Variants in NRXN3 observed in about 807,000 individuals in gnomAD.
NRXN3 encodes the protein neurexin 3.
A neutral mutation model predicts 137.6 loss-of-function variants in NRXN3; 32 were observed. The observed-to-expected ratio is 0.23, with a 90% CI of 0.18 to 0.31. The LOEUF is 0.31. Ranked by LOEUF, NRXN3 falls within the 10% of genes least tolerant of loss-of-function variation. The pLI is 1.00. For synonymous variants in NRXN3, 798 were observed against 784.5 expected (o/e 1.02, Z -0.29); for missense variants, 1,574 against 2,062.5 (o/e 0.76, Z 4.59).
intron 17 of NRXN3, among the ~76,000 whole-genome samples, chr14:79,683,369 G>C (rs763811026): frequency 2.0e-5 from 3 of 152,154 alleles, no homozygotes; most frequent in Non-Finnish European, 2.9e-5. Context: ...GCATGCTAGT[G>C]TAACTTTCTC....
At chr14:79,812,528 A>G (rs562968887) in intron 20 of NRXN3, among the ~76,000 whole-genome samples, 1 of 152,102 alleles carries the variant, frequency 6.6e-6, no homozygotes, top group South Asian at 2.1e-4. Flanking sequence ...AAAAAATCAC[A>G]CAAGATGATG....
At chr14:78,596,338 C>T (rs1396851377) in intron 4 of NRXN3, among the ~76,000 whole-genome samples, 1 of 152,042 alleles carries the variant, frequency 6.6e-6, no homozygotes, top group Non-Finnish European at 1.5e-5. Flanking sequence ...AAGTGAGTCC[C>T]TTGGACGTGG....
intron 15 of NRXN3, among the ~76,000 whole-genome samples, chr14:79,314,544 G>C (rs1235549748): frequency 1.3e-4 from 6 of 44,468 alleles, no homozygotes; most frequent in African/African-American, 3.8e-4. Flanking sequence ...CGGGAAGCTC[G>C]AACTGGGTGG....
At chr14:79,716,629 A>T (rs2098824527) in intron 19 of NRXN3, among the ~76,000 whole-genome samples, 1 of 152,058 alleles carries the variant, frequency 6.6e-6, no homozygotes, top group Non-Finnish European at 1.5e-5. Flanking sequence ...CCTGCAGTCT[A>T]ATTAGCCCCT....
At chr14:79,188,803 C>T (rs1387595784) in intron 15 of NRXN3, among the ~76,000 whole-genome samples, 2 of 152,102 alleles carry the variant, frequency 1.3e-5, no homozygotes, top group African/African-American at 4.8e-5. Flanking sequence ...CCATCACTGG[C>T]CATCAGAGAA....
intron 4 of NRXN3, among the ~76,000 whole-genome samples, chr14:78,342,153 A>G (rs2082214135): frequency 6.6e-6 from 1 of 152,224 alleles, no homozygotes; most frequent in Admixed American, 6.5e-5. Context: ...ACCAGGATAG[A>G]GAGAGGGAGA....
At chr14:79,431,504 T>C (rs10135931) in intron 15 of NRXN3, among the ~76,000 whole-genome samples, 147,346 of 152,290 alleles carry the variant, frequency 0.97, 71,295 homozygotes, top group East Asian at 1. Flanking sequence ...GAAAATTCAA[T>C]GTTTTATACT....
chr14:79,344,992 G>C (rs1035475287), intron 15 of NRXN3, among the ~76,000 whole-genome samples: 1 of 152,218 alleles, frequency 6.6e-6, no homozygotes, highest in African/African-American at 2.4e-5. Context: ...GTAAGAAGCA[G>C]ATTCTCACGG....
intron 15 of NRXN3, among the ~76,000 whole-genome samples, chr14:79,326,659 G>A (rs1291721640): frequency 6.6e-6 from 1 of 152,098 alleles, no homozygotes; most frequent in Admixed American, 6.5e-5. Context: ...TTTACTCTAG[G>A]TGCCCAGAAA....
chr14:78,893,025 G>A (rs1400533718), intron 10 of NRXN3, among the ~76,000 whole-genome samples: 1 of 151,822 alleles, frequency 6.6e-6, no homozygotes, highest in Non-Finnish European at 1.5e-5. Flanking sequence ...GGAGTTCTCT[G>A]GAAGGGAAAT....
intron 15 of NRXN3, among the ~76,000 whole-genome samples, chr14:79,298,399 G>A (rs891261016): frequency 4.6e-5 from 7 of 152,146 alleles, no homozygotes; most frequent in Non-Finnish European, 1.0e-4. Flanking sequence ...TGCCAAGTGT[G>A]GCTCCATGGC....
chr14:79,523,641 TG>T (rs1272637791), intron 16 of NRXN3, among the ~76,000 whole-genome samples: 1 of 151,868 alleles, frequency 6.6e-6, no homozygotes, highest in Non-Finnish European at 1.5e-5. Context: ...TTTGTCAAAA[TG>T]GAAGGAAAAA....
At chr14:78,315,994 C>G (rs187015004) in intron 4 of NRXN3, among the ~76,000 whole-genome samples, 3 of 152,284 alleles carry the variant, frequency 2.0e-5, no homozygotes, top group Admixed American at 1.3e-4. Context: ...TCCTGTAAAG[C>G]TGTGCTTTTT....
rs144935727 is a variant in NRXN3 at position 78,212,531 on chromosome 14, G to C, written c.-703-29860G>C. 3.8e-3 allele frequency among the ~76,000 whole-genome samples: 572 copies of C among 152,272 alleles called. 4 individuals carry two copies. The highest frequency in any genetic ancestry group is 0.013 in the African/African-American group (550 of 41,560). ...GGTCTCCCCATTTCATGTGGGTTCT[G>C]GTTGTGGATTTTTTTCTCTCTTGCC... On this transcript the variant is annotated intron_variant, in intron 1 of 20. Transcript: ENST00000335750.
intron 4 of NRXN3, among the ~76,000 whole-genome samples, chr14:78,464,417 G>A (rs970570438): frequency 2.0e-5 from 3 of 152,174 alleles, no homozygotes; most frequent in Non-Finnish European, 2.9e-5. Context: ...AGGCTGTTGG[G>A]ATGACTGAGA....
chr14:79,040,482 T>A (rs752121107), intron 15 of NRXN3, among the ~76,000 whole-genome samples: 1 of 152,184 alleles, frequency 6.6e-6, no homozygotes, highest in Non-Finnish European at 1.5e-5. Flanking sequence ...TATTGTCATA[T>A]ATGAATTGAG....
intron 14 of NRXN3, among the ~76,000 whole-genome samples, chr14:78,982,734 G>T (rs2099492597): frequency 6.6e-6 from 1 of 152,106 alleles, no homozygotes; most frequent in Non-Finnish European, 1.5e-5. Context: ...CATTGTTTCT[G>T]GGCAAGGATT....
Position 79,146,188 on chromosome 14 carries a change from T to A in NRXN3, c.3262+158047T>A, listed in dbSNP as rs535456199. On this transcript the variant is annotated intron_variant, in intron 15 of 20. Coordinates refer to ENST00000335750, the MANE Select transcript of NRXN3 (RefSeq NM_001330195.2). ...ATGAAGGAAGTAGGATTCAGAGAAA[T>A]CAAGTAGCTCTCATGTTGTCTCACA... Among the ~76,000 whole-genome samples the A allele has an allele frequency of 1.9e-3, 288 of 152,268 alleles. 2 individuals are homozygous for A. The highest frequency in any genetic ancestry group is 3.8e-4 in the Non-Finnish European group (26 of 68,032).
chr14:78,206,011 G>T (rs1416995690), intron 1 of NRXN3, among the ~76,000 whole-genome samples: 1 of 152,222 alleles, frequency 6.6e-6, no homozygotes, highest in Non-Finnish European at 1.5e-5. Context: ...TTGGGAGGTT[G>T]TGGGTGCCAT....
Sources: gnomAD v4.1 joint callset for allele counts (sites outside exome capture counted in the v4.1 genomes callset) on GRCh38, gnomAD v4.1.1 for gene constraint, MANE v1.5 for transcripts, NCBI Gene and HGNC (gene_info 2026-07-23, HGNC 2026-07-21) for gene names.